The following SHOX variants were observed in gnomAD, a reference collection of about 807,000 sequenced individuals.
The protein encoded by SHOX is short stature homeobox protein.
In SHOX, 12 loss-of-function variants were observed where a neutral mutation model predicts 29.6. That is an observed-to-expected ratio of 0.41 (90% CI 0.26 to 0.66). The LOEUF (loss-of-function observed/expected upper bound fraction) is 0.66. Ranked by LOEUF, SHOX falls within the 30% of genes least tolerant of loss-of-function variation. SHOX has a pLI of 0.35. For missense variants in SHOX, 499 were observed against 437.7 expected, an observed-to-expected ratio of 1.14 and a Z score of -1.25; for synonymous variants, 214 against 200.6, an observed-to-expected ratio of 1.07 and a Z score of -0.57.
Position 651,527 on chromosome X carries a change from G to T in SHOX, c.*6891G>T, listed in dbSNP as rs901469543. 5.2e-6 allele frequency: 2 copies of T among 384,742 alleles called. No individual in the cohort carries two copies. The highest frequency in any genetic ancestry group is 6.5e-5 in the Admixed American group (2 of 30,970). 23.8% of individuals were successfully genotyped at this position (384,742 alleles called of 1,614,324 possible). On this transcript the variant is annotated 3_prime_UTR_variant, in exon 5 of 5. Transcript: ENST00000686671. ...ACAGACTGTATTTTTGTGACGCCCC[G>T]TAGTATGAATGTACATCTTGTAAAA...
upstream of SHOX, among the ~76,000 whole-genome samples, chrX:629,953 T>C (rs2052617531): frequency 6.6e-6 from 1 of 152,060 alleles, no homozygotes; most frequent in Non-Finnish European, 1.5e-5. Flanking sequence ...ACCCGGTAAA[T>C]ACCCCAGACG....
In SHOX at chrX:644,386, C is replaced by A; in HGVS notation, c.634-5C>A. Reference sequence around the variant, plus strand: ...GCCCTCACCCCGCCGGGTCCGCTCCCGCAGGTCCAGGCTCAGCTGCAGCTG... The same window carrying A: ...GCCCTCACCCCGCCGGGTCCGCTCCAGCAGGTCCAGGCTCAGCTGCAGCTG... On this transcript the variant is annotated splice_region_variant and splice_polypyrimidine_tract_variant and intron_variant, in intron 4 of 4. Coordinates refer to ENST00000686671, the MANE Select transcript of SHOX (RefSeq NM_000451.4). 6.6e-7 allele frequency: 1 copy of A among 1,520,152 alleles called. No homozygotes were observed. Among genetic ancestry groups the A allele is most frequent in the Non-Finnish European group, 8.8e-7 (1 of 1,141,422 alleles). The allele number at this position is 1,520,152 out of a possible 1,614,324, so 94.2% of individuals were successfully genotyped here.
downstream of SHOX, among the ~76,000 whole-genome samples, chrX:655,210 C>G (rs781453927): frequency 6.6e-6 from 1 of 151,828 alleles, no homozygotes; most frequent in East Asian, 2.0e-4. Context: ...TGGGTTCAAG[C>G]AATCCTCCTG....
chrX:651,254 C>G lies in SHOX; in HGVS notation c.*6618C>G, dbSNP rs760718007. 1.3e-5 allele frequency: 6 copies of G among 454,136 alleles called. No homozygotes were observed. Among genetic ancestry groups the G allele is most frequent in the Middle Eastern group, 3.2e-4 (1 of 3,086 alleles). 28.1% of individuals were successfully genotyped at this position (454,136 alleles called of 1,614,324 possible). A position where few individuals can be genotyped will look rare whatever the true frequency, so the allele number is the denominator to read the frequency against. On this transcript the variant is annotated 3_prime_UTR_variant, in exon 5 of 5. Coordinates refer to ENST00000686671, the MANE Select transcript of SHOX (RefSeq NM_000451.4). The stretch of plus-strand genomic sequence containing the variant: ...CCCCCATTGACGACATAGCGGCCCC[C>G]GCGTCCGGGTTACAAATACATCTAC...
intron 2 of SHOX, among the ~76,000 whole-genome samples, chrX:640,562 C>T (rs1327288779): frequency 8.6e-5 from 13 of 151,990 alleles, no homozygotes; most frequent in South Asian, 2.1e-4. Context: ...GGCGACAGAG[C>T]GAGACTTGAT....
chrX:648,928 T>C lies in SHOX; in HGVS notation c.*4292T>C, dbSNP rs900935859. ...CCTTCCTTTCTTTCTTTTTCTTTCTTTCTCTCTTTCTTTCTTTTCTTTCTT... is the reference window on the plus strand; with the variant it reads ...CCTTCCTTTCTTTCTTTTTCTTTCTCTCTCTCTTTCTTTCTTTTCTTTCTT... On this transcript the variant is annotated 3_prime_UTR_variant, in exon 5 of 5. Coordinates refer to ENST00000686671, the MANE Select transcript of SHOX (RefSeq NM_000451.4). Among the ~76,000 whole-genome samples the C allele has an allele frequency of 7.4e-6, 1 of 134,660 alleles. No homozygotes were observed. Among genetic ancestry groups the C allele is most frequent in the Non-Finnish European group, 1.6e-5 (1 of 62,030 alleles). The allele number at this position is 134,660 out of a possible 152,430, so 88.3% of individuals were successfully genotyped here.
downstream of SHOX, among the ~76,000 whole-genome samples, chrX:653,015 T>C (rs963811847): frequency 5.3e-5 from 8 of 152,102 alleles, no homozygotes; most frequent in Non-Finnish European, 1.0e-4. Flanking sequence ...CCGAGGCGGG[T>C]GGATCACCTG....
downstream of SHOX, among the ~76,000 whole-genome samples, chrX:653,752 C>T (rs780892234): frequency 2.6e-5 from 4 of 152,272 alleles, no homozygotes; most frequent in South Asian, 2.1e-4. Flanking sequence ...CCACGGACTT[C>T]GCCTCCTGCT....
At chrX:655,682 C>T (rs1338028440), downstream of SHOX, among the ~76,000 whole-genome samples, 2 of 139,034 alleles carry the variant, frequency 1.4e-5, no homozygotes, top group South Asian at 2.3e-4. Flanking sequence ...GCTGGGTGAC[C>T]AGCTCATCTA....
chrX:631,091 A>G lies in SHOX; in HGVS notation c.194A>G (p.His65Arg). 1 of 1,613,722 alleles carries G rather than the reference A, an allele frequency of 6.2e-7. No homozygotes were observed. Among genetic ancestry groups the G allele is most frequent in the South Asian group, 1.1e-5 (1 of 91,074 alleles). ...SLQDITEGGG[H>R]CPVHLFKDHV... ...CAGGACATCACGGAGGGCGGCGGCC[A>G]CTGCCCGGTGCATTTGTTCAAGGAC... is the stretch of plus-strand genomic sequence containing the variant. Residue 65 changes from histidine (H) to arginine (R), a missense_variant, in exon 1 of 5, where the codon CAC (histidine) becomes CGC (arginine). Physicochemically the swap from His to Arg is conservative, Grantham distance 29. Transcript: ENST00000686671.
In SHOX at chrX:658,769, CT is replaced by C. The variant is rs747552549; in HGVS notation, c.634-3del. On this transcript the variant is annotated splice_polypyrimidine_tract_variant and intron_variant, in intron 5 of 5. Coordinates refer to the SHOX transcript ENST00000334060. ...ACAGGCGTGAGCCACTGCACTTGGC[CT>C]TTTTTTTTTTTTAGATGGAGTTTTG... 0.23 allele frequency: 79,662 copies of C among 340,014 alleles called. 948 individuals carry two copies. Among genetic ancestry groups the C allele is most frequent in the South Asian group, 0.31 (13,951 of 44,378 alleles). The allele number at this position is 340,014 out of a possible 1,614,324, so 21.1% of individuals were successfully genotyped here.
At chrX:632,889 G>A (rs758656066) in intron 1 of SHOX, among the ~76,000 whole-genome samples, 1 of 152,292 alleles carries the variant, frequency 6.6e-6, no homozygotes, top group East Asian at 1.9e-4. Flanking sequence ...GGCCGCTTCT[G>A]TGGGGTTGCT....
At chrX:655,531 G>T (rs1603291549), downstream of SHOX, among the ~76,000 whole-genome samples, 1 of 149,616 alleles carries the variant, frequency 6.7e-6, no homozygotes, top group African/African-American at 2.5e-5. Flanking sequence ...GAGCCCAGGA[G>T]TTCGAGACCA....
chrX:653,110 G>GCA, downstream of SHOX, among the ~76,000 whole-genome samples: 1 of 152,096 alleles, frequency 6.6e-6, no homozygotes, highest in Non-Finnish European at 1.5e-5. Context: ...GCGTGGTGGT[G>GCA]TGTATCTGTA....
At position 645,567 on chromosome X, in the gene SHOX, G is replaced by A. The variant is rs1317713126; in HGVS notation, c.*931G>A. On this transcript the variant is annotated 3_prime_UTR_variant, in exon 5 of 5. Coordinates refer to ENST00000686671, the MANE Select transcript of SHOX (RefSeq NM_000451.4). ...AATATTATAGATTAAAAAAAAAATA[G>A]CCGTGCACTCTTGACCCCGTCAGCG... The A allele has an allele frequency of 6.6e-6, 1 of 151,772 alleles. No homozygotes were observed. Among genetic ancestry groups the A allele is most frequent in the Non-Finnish European group, 1.5e-5 (1 of 67,950 alleles). 9.4% of individuals were successfully genotyped at this position (151,772 alleles called of 1,614,324 possible). A position where few individuals can be genotyped will look rare whatever the true frequency, so the allele number is the denominator to read the frequency against.
chrX:650,598 GT>G lies in SHOX; in HGVS notation c.*5966del. 6.6e-6 allele frequency among the ~76,000 whole-genome samples: 1 copy of G among 151,596 alleles called. No individual in the cohort carries two copies. Among genetic ancestry groups the G allele is most frequent in the Non-Finnish European group, 1.5e-5 (1 of 67,930 alleles). On this transcript the variant is annotated 3_prime_UTR_variant, in exon 5 of 5. Transcript: ENST00000686671. ...TTTCATGCTGACCTTTCTAACATTT[GT>G]TTTCCCCTAAGAACAAGCAGAAGCC...
Position 630,961 on chromosome X carries a change from G to T in SHOX, c.64G>T (p.Gly22Ter). Residue 22 changes from glycine to a stop codon, truncating the protein, a stop_gained, in exon 1 of 5, where the codon GGA (glycine) becomes TGA (stop). Transcript: ENST00000686671. LOFTEE classifies it high-confidence loss of function. Reference sequence around the variant, plus strand: ...CCAGAAAAGCAAGGACGGTAACGGCGGAGGCGGAGGCGGCGGAGGTAAGAA... The same window carrying T: ...CCAGAAAAGCAAGGACGGTAACGGCTGAGGCGGAGGCGGCGGAGGTAAGAA... ...FDQKSKDGNG[G>*]GGGGGGKKDS... 3 of 1,613,328 alleles carry T rather than the reference G, an allele frequency of 1.9e-6. No individual in the cohort carries two copies. The highest frequency in any genetic ancestry group is 2.5e-6 in the Non-Finnish European group (3 of 1,179,350).
rs767069171 is a variant in SHOX at position 648,835 on chromosome X, T to C, written c.*4199T>C. ...CTCTCGGATGGAAGGAAGTAAGAAA[T>C]TCAGCTTGGGCTGTGACCAGTTCTC... On this transcript the variant is annotated 3_prime_UTR_variant, in exon 5 of 5. Coordinates refer to ENST00000686671, the MANE Select transcript of SHOX (RefSeq NM_000451.4). 2.0e-4 allele frequency among the ~76,000 whole-genome samples: 31 copies of C among 152,114 alleles called. No homozygotes were observed. The highest frequency in any genetic ancestry group is 3.4e-3 in the Middle Eastern group (1 of 294).
intron 1 of SHOX, among the ~76,000 whole-genome samples, chrX:633,935 A>G (rs2052692249): frequency 6.6e-6 from 1 of 152,224 alleles, no homozygotes; most frequent in African/African-American, 2.4e-5. Flanking sequence ...CAGACAGGTC[A>G]CCAACTACTG....
Sources: allele counts gnomAD v4.1 joint callset (sites outside exome capture counted in the v4.1 genomes callset), GRCh38; gene constraint gnomAD v4.1.1; transcripts MANE v1.5; gene names NCBI Gene and HGNC (gene_info 2026-07-23, HGNC 2026-07-21).